The following ATAD2 variants were observed in gnomAD, a reference collection of about 807,000 sequenced individuals.
ATAD2 encodes ATPase family AAA domain containing 2.
ATAD2 carries 62 observed loss-of-function variants against 168.9 expected under a neutral mutation model. That is an observed-to-expected ratio of 0.37 (90% CI 0.30 to 0.45). ATAD2 has a LOEUF of 0.45. ATAD2 is among the 20% of genes least tolerant of loss of function. The pLI, the probability that ATAD2 is intolerant of heterozygous loss-of-function variation, is 1.00. For synonymous variants in ATAD2, 613 were observed against 571.6 expected (o/e 1.07, Z -1.03); for missense variants, 1,419 against 1,667.8 (o/e 0.85, Z 2.60).
chr8:123,348,087 C>CA, intron 15 of ATAD2, 96 bp downstream of exon 15: 2 of 1,044,046 alleles, frequency 1.9e-6, no homozygotes, highest in Non-Finnish European at 2.8e-6. Flanking sequence ...CTTTTACAGG[C>CA]AAAAACCACA....
chr8:123,339,475 A>G (rs1224542323), intron 19 of ATAD2, 29 bp from the exon 20 acceptor site: 31 of 1,527,528 alleles, frequency 2.0e-5, no homozygotes, highest in Non-Finnish European at 2.5e-5. Context: ...TGCAATATAT[A>G]TCATATATAC....
At chr8:123,347,984 G>A in intron 15 of ATAD2, 199 bp downstream of exon 15, 1 of 624,688 alleles carries the variant, frequency 1.6e-6, no homozygotes, top group Non-Finnish European at 2.8e-6. Context: ...GACTTCATGA[G>A]AAGAAAATGC....
At chr8:123,327,387 T>C (rs1298928032) in intron 25 of ATAD2, among the ~76,000 whole-genome samples, 2 of 152,142 alleles carry the variant, frequency 1.3e-5, no homozygotes, top group African/African-American at 2.4e-5. Flanking sequence ...AGCCAGAAGA[T>C]TAACATTTAA....
chr8:123,370,057 T>C lies in ATAD2; in HGVS notation c.728-33A>G, dbSNP rs183848211. On this transcript the variant is annotated intron_variant, in intron 6 of 27. Transcript: ENST00000287394. ...TAAGAGATCCTTACTTCCAGAAAGA[T>C]ACTCAGCAAAATGTTAACAATTTTT... 91 of 1,585,190 alleles carry C rather than the reference T, an allele frequency of 5.7e-5. 1 individual carries two copies. The Admixed American group carries it at 1.2e-3, about 22-fold the overall frequency.
intron 1 of ATAD2, among the ~76,000 whole-genome samples, chr8:123,389,886 A>C (rs1829765593): frequency 6.8e-6 from 1 of 147,380 alleles, no homozygotes; most frequent in African/African-American, 2.5e-5. Flanking sequence ...AAACAGGAGA[A>C]ATATATGTGT....
intron 26 of ATAD2, among the ~76,000 whole-genome samples, chr8:123,323,983 G>A (rs1042675739): frequency 6.6e-6 from 1 of 152,142 alleles, no homozygotes; most frequent in African/African-American, 2.4e-5. Flanking sequence ...TAAAAATTAA[G>A]TAAAATAATA....
In ATAD2 at chr8:123,339,393, C is replaced by T. The variant is rs746058894; in HGVS notation, c.2772G>A (p.Pro924=). 118 of 1,601,376 alleles carry T rather than the reference C, an allele frequency of 7.4e-5. No individual in the cohort carries two copies. Among genetic ancestry groups the T allele is most frequent in the Middle Eastern group, 1.8e-4 (1 of 5,438 alleles). Residue 924 remains proline, a synonymous_variant, in exon 20 of 28, where the codon CCG becomes CCA. Coordinates refer to ENST00000287394, the MANE Select transcript of ATAD2 (RefSeq NM_014109.4). ...AAAATTTTGTCCGTTCTTCTTTATC[C>T]GGTAACTGGACATTAAAAATCTCTC... ...DYGEIFNVQL[P]DKEERTKFFE...
At chr8:123,387,579 G>C (rs2129912322) in intron 1 of ATAD2, among the ~76,000 whole-genome samples, 1 of 152,246 alleles carries the variant, frequency 6.6e-6, no homozygotes, top group East Asian at 1.9e-4. Flanking sequence ...TTTTAACCTA[G>C]AGATGTAATA....
At chr8:123,396,707 A>C (rs1586910455), upstream of ATAD2, among the ~76,000 whole-genome samples, 2 of 152,118 alleles carry the variant, frequency 1.3e-5, no homozygotes, top group South Asian at 4.2e-4. Flanking sequence ...AGACGGTGGG[A>C]GCGGTGCGTA....
intron 1 of ATAD2, among the ~76,000 whole-genome samples, chr8:123,410,362 C>A (rs529626358): frequency 6.6e-6 from 1 of 152,170 alleles, no homozygotes; most frequent in African/African-American, 2.4e-5. Context: ...TCTCAGCTCA[C>A]GGCAACCTCC....
At chr8:123,356,297 G>C (rs771856748) in intron 13 of ATAD2, 92 bp downstream of exon 13, 10 of 1,063,370 alleles carry the variant, frequency 9.4e-6, no homozygotes, top group Admixed American at 2.4e-5. Context: ...AGCTTATAAA[G>C]TTTCTTTCAC....
chr8:123,371,615 C>T, intron 4 of ATAD2, 55 bp downstream of exon 4: 1 of 1,482,402 alleles, frequency 6.7e-7, no homozygotes, highest in Non-Finnish European at 9.1e-7. Context: ...TGATTCCTCC[C>T]CAACAAAAAG....
intron 19 of ATAD2, among the ~76,000 whole-genome samples, chr8:123,342,988 A>ATT (rs775980242): frequency 1.4e-5 from 2 of 138,748 alleles, no homozygotes; most frequent in Non-Finnish European, 3.1e-5. Flanking sequence ...CATCATCATC[A>ATT]TTTTTTTTTT....
chr8:123,363,921 G>A (rs965556055), intron 8 of ATAD2, among the ~76,000 whole-genome samples: 1 of 152,026 alleles, frequency 6.6e-6, no homozygotes, highest in Non-Finnish European at 1.5e-5. Flanking sequence ...AAACCTATAT[G>A]TTTATTCAAA....
Position 123,339,413 on chromosome 8 carries a change from T to C in ATAD2, c.2752A>G (p.Ile918Val), listed in dbSNP as rs1480760627. 2 of 1,597,894 alleles carry C rather than the reference T, an allele frequency of 1.3e-6. No individual in the cohort carries two copies. Among genetic ancestry groups the C allele is most frequent in the Admixed American group, 1.8e-5 (1 of 57,138 alleles). ...QELFIRDYGEIFNVQLPDKEE... is the reference protein window; with the variant it reads ...QELFIRDYGEVFNVQLPDKEE... ...TTATCCGGTAACTGGACATTAAAAA[T>C]CTCTCCATAATCACGGATAAACAAT... Residue 918 changes from isoleucine (I) to valine (V), a missense_variant, in exon 20 of 28, where the codon ATT (isoleucine) becomes GTT (valine). Ile to Val is a conservative substitution (Grantham distance 29, BLOSUM62 3). Transcript: ENST00000287394.
At chr8:123,356,248 C>G in intron 13 of ATAD2, 141 bp downstream of exon 13, 1 of 530,498 alleles carries the variant, frequency 1.9e-6, no homozygotes, top group Non-Finnish European at 3.2e-6. Context: ...TATTTTTGTA[C>G]TATATACTGG....
chr8:123,368,946 T>C, intron 8 of ATAD2, 112 bp downstream of exon 8: 1 of 471,612 alleles, frequency 2.1e-6, no homozygotes, highest in Admixed American at 3.3e-5. Context: ...CTCTCCCAAA[T>C]ACACAATTCT....
At chr8:123,361,909 C>G (rs1034092184) in intron 8 of ATAD2, among the ~76,000 whole-genome samples, 1 of 152,112 alleles carries the variant, frequency 6.6e-6, no homozygotes, top group Non-Finnish European at 1.5e-5. Context: ...GGCAGGGTGA[C>G]TTCTTAGTCT....
intron 26 of ATAD2, 91 bp from the exon 27 acceptor site, chr8:123,323,157 C>G (rs1313401293): frequency 7.2e-7 from 1 of 1,379,880 alleles, no homozygotes; most frequent in African/African-American, 1.4e-5. Context: ...TTATTACAAG[C>G]CTGACAGAGG....
Sources: allele counts gnomAD v4.1 joint callset (sites outside exome capture counted in the v4.1 genomes callset), GRCh38; gene constraint gnomAD v4.1.1; transcripts MANE v1.5; gene names NCBI Gene and HGNC (gene_info 2026-07-23, HGNC 2026-07-21).